The following SGSM3 variants were observed in gnomAD, a reference collection of about 807,000 sequenced individuals.
SGSM3 encodes small G protein signaling modulator 3.
SGSM3 carries 96 observed loss-of-function variants against 100.5 expected under a neutral mutation model. That is an observed-to-expected ratio of 0.96 (90% CI 0.81 to 1.13). The LOEUF is 1.13. Ranked by LOEUF, SGSM3 falls within the 50% of genes most tolerant of loss-of-function variation. SGSM3 has a pLI of 0.00. For missense variants in SGSM3, 1,001 were observed against 1,015.8 expected, an observed-to-expected ratio of 0.99 and a Z score of 0.20; for synonymous variants, 483 against 422.8, an observed-to-expected ratio of 1.14 and a Z score of -1.75.
In SGSM3 at chr22:40,408,656, T is replaced by C. The variant is rs769313220; in HGVS notation, c.1812T>C (p.Phe604=). ...EAAGREVERD[F]ASVYSRLVLC... is the part of the protein sequence containing the mutation. ...CAGGCCGGGAGGTCGAGAGAGACTT[T>C]GCCTCCGTGTATTCCCGTCTGGTGC... Residue 604 remains phenylalanine, a synonymous_variant, in exon 17 of 22, where the codon TTT becomes TTC. Transcript: ENST00000248929. 2.5e-6 allele frequency: 4 copies of C among 1,613,936 alleles called. No individual in the cohort carries two copies. The highest frequency in any genetic ancestry group is 2.2e-5 in the East Asian group (1 of 44,886).
chr22:40,401,575 G>T lies in SGSM3; in HGVS notation c.8-18G>T, dbSNP rs761672918. On this transcript the variant is annotated intron_variant, in intron 2 of 21. Transcript: ENST00000248929. The stretch of plus-strand genomic sequence containing the variant: ...TCTGCATTTTCTTGATTGTTCTCCT[G>T]GTCCTCTTTGGTTTTAGGAAGCCAT... The T allele has an allele frequency of 6.2e-7, 1 of 1,601,372 alleles. No homozygotes were observed. The highest frequency in any genetic ancestry group is 8.6e-7 in the Non-Finnish European group (1 of 1,169,366).
At position 40,408,633 on chromosome 22, in the gene SGSM3, G is replaced by A. The variant is rs145720922; in HGVS notation, c.1789G>A (p.Gly597Ser). The A allele has an allele frequency of 1.2e-6, 2 of 1,613,860 alleles. No homozygotes were observed. Among genetic ancestry groups the A allele is most frequent in the African/African-American group, 1.3e-5 (1 of 74,928 alleles). Residue 597 changes from glycine (G) to serine (S), a missense_variant, in exon 17 of 22, where the codon GGC (glycine) becomes AGC (serine). Gly to Ser is a moderately conservative substitution (Grantham distance 56). Transcript: ENST00000248929. ...HPWLFIEEAA[G>S]REVERDFASV... is the part of the protein sequence containing the mutation. ...CCGTGTGCTGTCCCCACAGGCTGCA[G>A]GCCGGGAGGTCGAGAGAGACTTTGC...
chr22:40,408,587 C>G, intron 16 of SGSM3, 40 bp from the exon 17 acceptor site: 2 of 1,611,450 alleles, frequency 1.2e-6, no homozygotes, highest in Non-Finnish European at 1.7e-6. Flanking sequence ...GAACCAGCAT[C>G]TTCCTGTCCC....
At chr22:40,406,402 A>G in intron 9 of SGSM3, 36 bp from the exon 10 acceptor site, 1 of 1,528,618 alleles carries the variant, frequency 6.5e-7, no homozygotes, top group South Asian at 1.3e-5. Flanking sequence ...CTGCAATGAC[A>G]ACCTTCTTCC....
rs369644750 is a variant in SGSM3 at position 40,406,175 on chromosome 22, G to C, written c.912G>C (p.Glu304Asp). Residue 304 changes from glutamate to aspartate, a missense_variant, in exon 9 of 22, where the codon GAG (glutamate) becomes GAC (aspartate). Transcript: ENST00000248929. Reference protein sequence around the residue: ...LLRIWDLFFYEGSRVLFQLTL... With the variant: ...LLRIWDLFFYDGSRVLFQLTL... Reference sequence around the variant, plus strand: ...GCATCTGGGACCTGTTTTTCTACGAGGGCTCCCGGGTGCTGTTCCAGCTCA... The same window carrying C: ...GCATCTGGGACCTGTTTTTCTACGACGGCTCCCGGGTGCTGTTCCAGCTCA... 7.1e-5 allele frequency: 115 copies of C among 1,614,132 alleles called. 1 individual carries two copies. The Middle Eastern group carries it at 1.5e-3, about 21-fold the overall frequency.
chr22:40,408,140 T>C lies in SGSM3; in HGVS notation c.1629+20T>C, dbSNP rs1372156264. ...AAAGAGGTGAGGGGGGTGGGCGGGC[T>C]AGGCACGGCTGGCACCCTTCTAGCC... is the stretch of plus-strand genomic sequence containing the variant. On this transcript the variant is annotated intron_variant, in intron 15 of 21. Coordinates refer to ENST00000248929, the MANE Select transcript of SGSM3 (RefSeq NM_015705.6). 6.3e-6 allele frequency: 10 copies of C among 1,596,330 alleles called. No individual in the cohort carries two copies. Among genetic ancestry groups the C allele is most frequent in the African/African-American group, 1.3e-5 (1 of 74,532 alleles).
Position 40,409,732 on chromosome 22 carries a change from C to G in SGSM3, c.2223C>G (p.His741Gln). ...TCCGGGACATGCTGGTGAAGCACCA[C>G]CTCTTCAGCTGGGATGTGGACGGGT... ...EGVRDMLVKH[H>Q]LFSWDVDG Residue 741 changes from histidine (H) to glutamine (Q), a missense_variant, in exon 22 of 22, where the codon CAC becomes CAG. Coordinates refer to ENST00000248929, the MANE Select transcript of SGSM3 (RefSeq NM_015705.6). The G allele has an allele frequency of 2.5e-6, 4 of 1,611,328 alleles. No homozygotes were observed. The highest frequency in any genetic ancestry group is 3.4e-6 in the Non-Finnish European group (4 of 1,179,780).
chr22:40,400,664 T>C (rs1488781092), intron 1 of SGSM3, 32 bp from the exon 2 acceptor site: 24 of 843,226 alleles, frequency 2.8e-5, no homozygotes, highest in East Asian at 5.6e-5. Flanking sequence ...AAAATAAAAA[T>C]AGAATGACTT....
At chr22:40,389,916 GA>G (rs34606137) in intron 1 of SGSM3, among the ~76,000 whole-genome samples, 22,818 of 104,920 alleles carry the variant, frequency 0.22, 1,927 homozygotes, top group Admixed American at 0.4. Flanking sequence ...AAAAAAAAAA[GA>G]AAAAAAAAAA....
intron 1 of SGSM3, among the ~76,000 whole-genome samples, chr22:40,389,706 G>C (rs568621382): frequency 2.7e-5 from 4 of 150,686 alleles, no homozygotes; most frequent in Admixed American, 2.6e-4. Context: ...TCAGGAGTTC[G>C]AGACCAGCCT....
At chr22:40,408,580 C>G (rs1474455269) in intron 16 of SGSM3, 47 bp from the exon 17 acceptor site, 1 of 1,608,552 alleles carries the variant, frequency 6.2e-7, no homozygotes, top group South Asian at 1.1e-5. Flanking sequence ...GGGCTTTGAA[C>G]CAGCATCTTC....
chr22:40,404,198 C>G (rs1432539971), intron 4 of SGSM3, 49 bp from the exon 5 acceptor site: 2 of 1,449,588 alleles, frequency 1.4e-6, no homozygotes, highest in Non-Finnish European at 9.2e-7. Flanking sequence ...GCTTGGAGAA[C>G]ACGTAGTAGA....
In SGSM3 at chr22:40,389,984, C is replaced by A. The variant is rs148379749; in HGVS notation, c.-111-10712C>A. On this transcript the variant is annotated intron_variant, in intron 1 of 21. Transcript: ENST00000248929. The stretch of plus-strand genomic sequence containing the variant: ...ATGAACTTCATCTGTGCTAGATTGA[C>A]TCTTTAGACCCAGCACACACTGAGG... Among the ~76,000 whole-genome samples, 42 of 150,832 alleles carry A rather than the reference C, an allele frequency of 2.8e-4. No individual in the cohort carries two copies. The East Asian group carries it at 7.0e-3, about 25-fold the overall frequency.
At chr22:40,402,391 A>G (rs2050867951) in intron 4 of SGSM3, among the ~76,000 whole-genome samples, 186 bp downstream of exon 4, 1 of 152,112 alleles carries the variant, frequency 6.6e-6, no homozygotes, top group African/African-American at 2.4e-5. Flanking sequence ...TTTTTGAGAT[A>G]AATTTTACTG....
intron 1 of SGSM3, among the ~76,000 whole-genome samples, chr22:40,391,328 C>G (rs948288794): frequency 6.6e-6 from 1 of 152,224 alleles, no homozygotes; most frequent in Admixed American, 6.5e-5. Context: ...CACTGATCAA[C>G]TGGGTGTGTT....
chr22:40,387,967 C>T (rs1007171656), intron 1 of SGSM3, among the ~76,000 whole-genome samples: 4 of 152,136 alleles, frequency 2.6e-5, no homozygotes, highest in Non-Finnish European at 4.4e-5. Flanking sequence ...GTTCCTGTTT[C>T]CCTGATATAT....
At position 40,408,028 on chromosome 22, in the gene SGSM3, C is replaced by T. The variant is rs551743698; in HGVS notation, c.1580-43C>T. On this transcript the variant is annotated intron_variant, in intron 14 of 21. Transcript: ENST00000248929. ...CTGCAGGCTGTGTCTGCTCTGTCCT[C>T]GGCCCTCGTGGTTGCTCCTTACAGG... 4.0e-5 allele frequency: 64 copies of T among 1,599,956 alleles called. No homozygotes were observed. In the East Asian group the frequency reaches 1.1e-3, roughly 27 times the overall value.
Position 40,406,552 on chromosome 22 carries a change from G to A in SGSM3, c.1075G>A (p.Gly359Ser), listed in dbSNP as rs376133776. 51 of 1,612,810 alleles carry A rather than the reference G, an allele frequency of 3.2e-5. No homozygotes were observed. Among genetic ancestry groups the A allele is most frequent in the Non-Finnish European group, 3.7e-5 (44 of 1,179,896 alleles). The change falls in exon 10 of 22, where the codon GGC (glycine) becomes AGC (serine). Residue 359 changes from glycine (G) to serine (S), a missense_variant. By Grantham distance (56) the Gly-to-Ser change is moderately conservative. Coordinates refer to ENST00000248929, the MANE Select transcript of SGSM3 (RefSeq NM_015705.6). The stretch of plus-strand genomic sequence containing the variant: ...TCTGGGGGTGGCCATGCGGCTGGCC[G>A]GCTCCCTCACCGATGTGGCCGTGGA... ...LLLGVAMRLA[G>S]SLTDVAVETQ...
chr22:40,382,046 C>T lies in SGSM3; in HGVS notation c.-112+11358C>T, dbSNP rs537028566. Among the ~76,000 whole-genome samples, 349 of 152,220 alleles carry T rather than the reference C, an allele frequency of 2.3e-3. 1 individual carries two copies. The highest frequency in any genetic ancestry group is 3.1e-3 in the Non-Finnish European group (214 of 68,002). On this transcript the variant is annotated intron_variant, in intron 1 of 21. Transcript: ENST00000248929. ...CACAGAGACAGGATTTTGTTTTGTT[C>T]ACTGTCCTGTCTAGGATCTAGCCTA... is the stretch of plus-strand genomic sequence containing the variant.
Sources: gnomAD v4.1 joint callset for allele counts (sites outside exome capture counted in the v4.1 genomes callset) on GRCh38, gnomAD v4.1.1 for gene constraint, MANE v1.5 for transcripts, NCBI Gene and HGNC (gene_info 2026-07-23, HGNC 2026-07-21) for gene names.